Variants in PROS1 observed in about 807,000 individuals in gnomAD.
The protein encoded by PROS1 is vitamin K-dependent protein S.
In PROS1, 29 loss-of-function variants were observed where a neutral mutation model predicts 75.9. The observed-to-expected ratio is 0.38, with a 90% CI of 0.28 to 0.52. The LOEUF is 0.52. Among genes scored for constraint, PROS1 ranks in the 20% least tolerant of loss-of-function variants. PROS1 has a pLI of 0.83. For synonymous variants in PROS1, 245 were observed against 280.6 expected (o/e 0.87, Z 1.27); for missense variants, 680 against 810.3 (o/e 0.84, Z 1.95).
intron 1 of PROS1, among the ~76,000 whole-genome samples, chr3:93,947,885 A>G (rs548960253): frequency 2.0e-5 from 3 of 152,118 alleles, no homozygotes; most frequent in Admixed American, 6.6e-5. Context: ...AGTTATTTTC[A>G]AAGATAAATA....
intron 1 of PROS1, among the ~76,000 whole-genome samples, chr3:93,952,189 G>C (rs1169957930): frequency 1.3e-5 from 2 of 152,086 alleles, no homozygotes; most frequent in African/African-American, 4.8e-5. Context: ...AGTTAACAAG[G>C]ATATCCAGGA....
chr3:93,875,057 C>CA (rs750304363), intron 14 of PROS1, among the ~76,000 whole-genome samples: 93 of 149,532 alleles, frequency 6.2e-4, no homozygotes, highest in African/African-American at 1.8e-3. Flanking sequence ...TACCTTATGC[C>CA]AAAAAAAAAC....
chr3:93,932,342 C>G (rs916979939), intron 1 of PROS1, among the ~76,000 whole-genome samples: 2 of 152,188 alleles, frequency 1.3e-5, no homozygotes, highest in Non-Finnish European at 2.9e-5. Flanking sequence ...AACCAGCATC[C>G]AAACCCTGTC....
At chr3:93,931,636 T>G (rs757730292) in intron 1 of PROS1, among the ~76,000 whole-genome samples, 6 of 152,200 alleles carry the variant, frequency 3.9e-5, no homozygotes, top group Non-Finnish European at 7.4e-5. Context: ...ACTGACTGCT[T>G]GAATCCCTTT....
intron 12 of PROS1, among the ~76,000 whole-genome samples, chr3:93,881,899 G>A (rs1293769478): frequency 6.6e-6 from 1 of 152,012 alleles, no homozygotes; most frequent in Non-Finnish European, 1.5e-5. Flanking sequence ...CAATTAAAAT[G>A]TAATTTTTTT....
chr3:93,880,146 C>T (rs1305240088), intron 12 of PROS1, among the ~76,000 whole-genome samples: 2 of 152,136 alleles, frequency 1.3e-5, no homozygotes, highest in Non-Finnish European at 2.9e-5. Context: ...TTTCCTTTGA[C>T]AAGATGTTCT....
At chr3:93,969,977 T>A (rs1709852307) in intron 1 of PROS1, among the ~76,000 whole-genome samples, 1 of 152,086 alleles carries the variant, frequency 6.6e-6, no homozygotes, top group Non-Finnish European at 1.5e-5. Flanking sequence ...TGGCATAGGG[T>A]TTGATGTTGT....
At chr3:93,956,086 C>T (rs1432658262) in intron 1 of PROS1, among the ~76,000 whole-genome samples, 1 of 152,012 alleles carries the variant, frequency 6.6e-6, no homozygotes, top group Non-Finnish European at 1.5e-5. Flanking sequence ...TAAATGGTCT[C>T]AGTGAAATGA....
chr3:93,919,285 C>T (rs1708908356), intron 3 of PROS1, among the ~76,000 whole-genome samples: 1 of 152,152 alleles, frequency 6.6e-6, no homozygotes, highest in African/African-American at 2.4e-5. Context: ...TTTCTACATC[C>T]TTGCTTTCTA....
chr3:93,878,112 A>G (rs909951460), intron 13 of PROS1, among the ~76,000 whole-genome samples: 1 of 152,180 alleles, frequency 6.6e-6, no homozygotes, highest in African/African-American at 2.4e-5. Context: ...GGAGGCAAAC[A>G]CTCAAAGGAT....
intron 1 of PROS1, among the ~76,000 whole-genome samples, chr3:93,952,838 T>C (rs547498131): frequency 6.6e-6 from 1 of 152,118 alleles, no homozygotes; most frequent in African/African-American, 2.4e-5. Flanking sequence ...CTAGTGAGAC[T>C]AATAAAGAAG....
At chr3:93,955,361 T>A (rs536384198) in intron 1 of PROS1, among the ~76,000 whole-genome samples, 3 of 152,186 alleles carry the variant, frequency 2.0e-5, no homozygotes, top group South Asian at 2.1e-4. Context: ...ATTAAGAAAA[T>A]GTGGCACATA....
At chr3:93,886,227 G>C (rs561268389) in intron 11 of PROS1, 109 bp downstream of exon 11, 11 of 948,736 alleles carry the variant, frequency 1.2e-5, no homozygotes, top group Non-Finnish European at 1.7e-5. Flanking sequence ...GTCACACTTA[G>C]TATGCTTAAC....
At chr3:93,925,215 A>C (rs752568569) in intron 2 of PROS1, among the ~76,000 whole-genome samples, 9 of 152,210 alleles carry the variant, frequency 5.9e-5, no homozygotes, top group Admixed American at 3.3e-4. Flanking sequence ...TTAACAGCAC[A>C]AGAATACCTC....
intron 3 of PROS1, among the ~76,000 whole-genome samples, chr3:93,921,561 A>G (rs1293591180): frequency 6.6e-6 from 1 of 152,194 alleles, no homozygotes; most frequent in Admixed American, 6.5e-5. Context: ...AACTTGTTTA[A>G]TACTCGTTTG....
At chr3:93,952,773 A>T (rs937650616) in intron 1 of PROS1, among the ~76,000 whole-genome samples, 2 of 152,216 alleles carry the variant, frequency 1.3e-5, no homozygotes, top group African/African-American at 2.4e-5. Context: ...CCCTTCAAAA[A>T]ATCAGTGAAT....
chr3:93,888,823 T>C (rs544359357), intron 10 of PROS1, among the ~76,000 whole-genome samples: 6 of 152,160 alleles, frequency 3.9e-5, no homozygotes, highest in South Asian at 2.1e-4. Context: ...TAGCTTCTGA[T>C]TGGGATTATC....
chr3:93,937,157 G>A (rs1435490528), intron 1 of PROS1, among the ~76,000 whole-genome samples: 1 of 152,080 alleles, frequency 6.6e-6, no homozygotes, highest in Non-Finnish European at 1.5e-5. Flanking sequence ...CGAGCTCCCT[G>A]AGTGTACAGT....
intron 6 of PROS1, 66 bp from the exon 7 acceptor site, chr3:93,900,995 T>C (rs1708585695): frequency 2.6e-6 from 4 of 1,545,610 alleles, no homozygotes; most frequent in Non-Finnish European, 3.5e-6. Flanking sequence ...CAAAGAACCC[T>C]TGATTTGTGT....
Sources: allele counts gnomAD v4.1 joint callset (sites outside exome capture counted in the v4.1 genomes callset), GRCh38; gene constraint gnomAD v4.1.1; transcripts MANE v1.5; gene names NCBI Gene and HGNC (gene_info 2026-07-23, HGNC 2026-07-21).